Variants in ASPH observed in about 807,000 individuals in gnomAD.
The protein encoded by ASPH is aspartate beta-hydroxylase.
A neutral mutation model predicts 118.4 loss-of-function variants in ASPH; 100 were observed. That is an observed-to-expected ratio of 0.84 (90% CI 0.72 to 1.00). ASPH has a LOEUF of 1.00. Among genes scored for constraint, ASPH ranks in the 50% least tolerant of loss-of-function variants. The pLI is 0.00. For missense variants in ASPH, 920 were observed against 919.5 expected (o/e 1.00, Z -0.01); for synonymous variants, 315 against 325.6 (o/e 0.97, Z 0.35).
intron 18 of ASPH, among the ~76,000 whole-genome samples, chr8:61,562,357 C>A (rs1189609216): frequency 2.0e-4 from 6 of 29,864 alleles, no homozygotes; most frequent in Non-Finnish European, 3.0e-4. Context: ...CATACTTCTG[C>A]CAAAAAAAAA....
chr8:61,646,541 A>G (rs2151026106), intron 6 of ASPH, among the ~76,000 whole-genome samples: 1 of 152,328 alleles, frequency 6.6e-6, no homozygotes, highest in Middle Eastern at 3.4e-3. Flanking sequence ...AGAAATTTGT[A>G]TATTCTGAGT....
At chr8:61,694,160 G>T (rs1833372693) in intron 1 of ASPH, among the ~76,000 whole-genome samples, 1 of 152,084 alleles carries the variant, frequency 6.6e-6, no homozygotes, top group South Asian at 2.1e-4. Context: ...AGAACCCTCA[G>T]CAGGAAGCTA....
chr8:61,702,150 C>A (rs1835370612), intron 1 of ASPH, among the ~76,000 whole-genome samples: 1 of 152,078 alleles, frequency 6.6e-6, no homozygotes, highest in Non-Finnish European at 1.5e-5. Flanking sequence ...CAAGAAGACA[C>A]AGAAATTTTA....
intron 1 of ASPH, among the ~76,000 whole-genome samples, chr8:61,693,967 A>G (rs1342335910): frequency 6.6e-6 from 1 of 152,124 alleles, no homozygotes; most frequent in East Asian, 1.9e-4. Context: ...CGGAATCAAG[A>G]TCAGGAACTG....
intron 13 of ASPH, chr8:61,624,178 T>C (rs1488674330): frequency 2.2e-6 from 2 of 919,854 alleles, no homozygotes; most frequent in African/African-American, 3.6e-5. Context: ...TATCGAAATA[T>C]CTCATATAGT....
chr8:61,539,402 G>C (rs1176617243), intron 21 of ASPH, among the ~76,000 whole-genome samples: 1 of 152,044 alleles, frequency 6.6e-6, no homozygotes, highest in African/African-American at 2.4e-5. Flanking sequence ...GTGAAAGTTT[G>C]TTAAAAAGCT....
chr8:61,639,433 C>T (rs1168634687), intron 10 of ASPH, among the ~76,000 whole-genome samples: 1 of 152,176 alleles, frequency 6.6e-6, no homozygotes, highest in Non-Finnish European at 1.5e-5. Context: ...CCAGCCCTCG[C>T]TATATTTTTA....
At chr8:61,635,593 C>T (rs1192192610) in intron 12 of ASPH, among the ~76,000 whole-genome samples, 2 of 151,882 alleles carry the variant, frequency 1.3e-5, no homozygotes, top group Non-Finnish European at 2.9e-5. Flanking sequence ...GTGGGTTTTG[C>T]TATTACTTTT....
At chr8:61,689,942 C>T in intron 1 of ASPH, 3 of 964,774 alleles carry the variant, frequency 3.1e-6, no homozygotes, top group Non-Finnish European at 3.9e-6. Flanking sequence ...CCTAACAACA[C>T]CACAGCCTTT....
intron 1 of ASPH, among the ~76,000 whole-genome samples, chr8:61,693,822 T>C (rs1468970247): frequency 2.6e-5 from 4 of 152,206 alleles, no homozygotes; most frequent in African/African-American, 7.2e-5. Flanking sequence ...GACTCCACAG[T>C]TGACCATTTA....
At chr8:61,712,525 T>G (rs1838292156) in intron 1 of ASPH, among the ~76,000 whole-genome samples, 1 of 152,242 alleles carries the variant, frequency 6.6e-6, no homozygotes, top group African/African-American at 2.4e-5. Context: ...TTTTACATAT[T>G]CTTTTACATA....
At chr8:61,591,102 T>C (rs1310647988) in intron 14 of ASPH, among the ~76,000 whole-genome samples, 1 of 152,180 alleles carries the variant, frequency 6.6e-6, no homozygotes, top group African/African-American at 2.4e-5. Context: ...TTCTGAACTG[T>C]GTTACTTATA....
intron 21 of ASPH, among the ~76,000 whole-genome samples, chr8:61,526,804 C>A (rs1020718182): frequency 1.3e-5 from 2 of 152,036 alleles, no homozygotes; most frequent in South Asian, 4.2e-4. Flanking sequence ...ATCCTCTGGG[C>A]AATCTGCACC....
In ASPH at chr8:61,624,331, T is replaced by A. The variant is rs943036153; in HGVS notation, c.935-5312A>T. On this transcript the variant is annotated intron_variant, in intron 13 of 24. Transcript: ENST00000379454. ...GGCTGCAGGGGCTATTTAATTTTAA[T>A]CTTGCTTCCTGGCAATGTAGCATGA... The A allele has an allele frequency of 6.1e-6, 6 of 985,290 alleles. No homozygotes were observed. The African/African-American group carries it at 1.0e-4, about 17-fold the overall frequency. The allele number at this position is 985,290 out of a possible 1,614,324, so 61.0% of individuals were successfully genotyped here. A position where few individuals can be genotyped will look rare whatever the true frequency, so the allele number is the denominator to read the frequency against.
chr8:61,542,841 G>T (rs1369928204), intron 21 of ASPH, among the ~76,000 whole-genome samples: 1 of 151,972 alleles, frequency 6.6e-6, no homozygotes, highest in Non-Finnish European at 1.5e-5. Flanking sequence ...TCTTAATTTT[G>T]CTAGATATAG....
intron 17 of ASPH, among the ~76,000 whole-genome samples, chr8:61,564,392 G>A (rs1390240220): frequency 2.0e-5 from 3 of 150,182 alleles, no homozygotes; most frequent in East Asian, 2.0e-4. Flanking sequence ...TCTGCCTTCC[G>A]GGTTCAAGTG....
At chr8:61,645,349 T>G (rs1323910381) in intron 6 of ASPH, among the ~76,000 whole-genome samples, 1 of 152,178 alleles carries the variant, frequency 6.6e-6, no homozygotes, top group Admixed American at 6.5e-5. Context: ...AATATCAAAT[T>G]CCTCATGCTT....
intron 21 of ASPH, among the ~76,000 whole-genome samples, chr8:61,544,539 C>T (rs1823090920): frequency 6.6e-6 from 1 of 152,178 alleles, no homozygotes; most frequent in Admixed American, 6.5e-5. Flanking sequence ...TTTTCTTTCT[C>T]TCTAGGCCTT....
chr8:61,513,961 T>C (rs568054550), intron 24 of ASPH, among the ~76,000 whole-genome samples: 2 of 152,304 alleles, frequency 1.3e-5, no homozygotes, highest in South Asian at 4.1e-4. Context: ...AATGTGCTCC[T>C]GAGGCAGGTC....
Sources: allele counts gnomAD v4.1 joint callset (sites outside exome capture counted in the v4.1 genomes callset), GRCh38; gene constraint gnomAD v4.1.1; transcripts MANE v1.5; gene names NCBI Gene and HGNC (gene_info 2026-07-23, HGNC 2026-07-21).